GAK: variants seen among roughly 807,000 people sequenced by gnomAD.
GAK encodes the protein cyclin-G-associated kinase.
A neutral mutation model predicts 143.9 loss-of-function variants in GAK; 79 were observed. That is an observed-to-expected ratio of 0.55 (90% CI 0.46 to 0.66). The LOEUF is 0.66. Ranked by LOEUF, GAK falls within the 30% of genes least tolerant of loss-of-function variation. GAK has a pLI of 0.00. For synonymous variants in GAK, 881 were observed against 765.5 expected (o/e 1.15, Z -2.49); for missense variants, 1,693 against 1,779.7 (o/e 0.95, Z 0.88).
chr4:862,215 G>A (rs1750413054), intron 23 of GAK, among the ~76,000 whole-genome samples: 1 of 151,946 alleles, frequency 6.6e-6, no homozygotes, highest in Non-Finnish European at 1.5e-5. Context: ...AGATCCGGCT[G>A]AGATCACTGA....
intron 10 of GAK, 71 bp downstream of exon 10, chr4:890,461 C>T: frequency 8.4e-7 from 1 of 1,194,300 alleles, no homozygotes; most frequent in South Asian, 1.4e-5. Flanking sequence ...GACTCCATCC[C>T]AATGTGCTGC....
At chr4:891,023 T>A (rs1717538713) in intron 9 of GAK, among the ~76,000 whole-genome samples, 1 of 151,464 alleles carries the variant, frequency 6.6e-6, no homozygotes, top group African/African-American at 2.4e-5. Flanking sequence ...TGTGGCACGA[T>A]CTCAGCTCAC....
intron 15 of GAK, among the ~76,000 whole-genome samples, chr4:880,450 C>T (rs1249463438): frequency 6.6e-6 from 1 of 152,236 alleles, no homozygotes; most frequent in Non-Finnish European, 1.5e-5. Context: ...GAAAGGGTCT[C>T]GGCCAGGTCT....
At chr4:866,226 G>T in intron 22 of GAK, 138 bp downstream of exon 22, 2 of 811,546 alleles carry the variant, frequency 2.5e-6, no homozygotes, top group Non-Finnish European at 3.9e-6. Context: ...AGGATGCTTG[G>T]GCCGCAAGGA....
At chr4:916,055 C>T (rs1395745071) in intron 1 of GAK, among the ~76,000 whole-genome samples, 6 of 152,180 alleles carry the variant, frequency 3.9e-5, no homozygotes, top group African/African-American at 1.2e-4. Flanking sequence ...TGTGCTTCCA[C>T]ATGCCCAAGG....
At chr4:849,830 C>CGGG in intron 27 of GAK, 56 bp from the exon 28 acceptor site, 2 of 1,172,348 alleles carry the variant, frequency 1.7e-6, no homozygotes, top group African/African-American at 1.8e-5. Flanking sequence ...GCGGGCGGGG[C>CGGG]AGGACCCCCC....
At chr4:879,156 G>T (rs190796496) in intron 15 of GAK, among the ~76,000 whole-genome samples, 1 of 152,144 alleles carries the variant, frequency 6.6e-6, no homozygotes, top group African/African-American at 2.4e-5. Flanking sequence ...TTCTAAGCCC[G>T]AGTGTGTTGT....
intron 5 of GAK, among the ~76,000 whole-genome samples, chr4:898,940 C>T (rs1462717039): frequency 6.6e-6 from 1 of 152,170 alleles, no homozygotes; most frequent in Admixed American, 6.5e-5. Context: ...CACCTTCTGG[C>T]GCAGCTCTGA....
chr4:877,354 A>G (rs1714154418), intron 16 of GAK, 147 bp from the exon 17 acceptor site: 7 of 675,674 alleles, frequency 1.0e-5, no homozygotes, highest in Admixed American at 5.5e-5. Flanking sequence ...CCTCACAAGA[A>G]TTCTAAAGTC....
At chr4:851,296 C>T (rs1224851934) in intron 25 of GAK, 2 of 472,788 alleles carry the variant, frequency 4.2e-6, no homozygotes, top group Non-Finnish European at 7.7e-6. Context: ...GGAGGTATCA[C>T]TGTTGCCCAA....
chr4:884,544 T>C (rs1254090199), intron 11 of GAK, among the ~76,000 whole-genome samples: 1 of 152,214 alleles, frequency 6.6e-6, no homozygotes, highest in Non-Finnish European at 1.5e-5. Flanking sequence ...CAGACGCCGC[T>C]GGAGGCAGAG....
chr4:864,853 G>A (rs570938848), intron 23 of GAK, among the ~76,000 whole-genome samples: 37 of 152,236 alleles, frequency 2.4e-4, no homozygotes, highest in Non-Finnish European at 4.0e-4. Context: ...GTGGGAGGAG[G>A]ACCCTTCGGG....
Position 889,929 on chromosome 4 carries a change from G to A in GAK, c.1081+603C>T, listed in dbSNP as rs530169369. On this transcript the variant is annotated intron_variant, in intron 10 of 27. Coordinates refer to ENST00000314167, the MANE Select transcript of GAK (RefSeq NM_005255.4). Reference sequence around the variant, plus strand: ...CATCACAGGTGCCCACTCCTCATGCGGCAGAAGGGGCCACCTCACACTAGC... The same window carrying A: ...CATCACAGGTGCCCACTCCTCATGCAGCAGAAGGGGCCACCTCACACTAGC... Among the ~76,000 whole-genome samples the A allele has an allele frequency of 3.9e-5, 6 of 152,142 alleles. No individual in the cohort carries two copies. In the South Asian group the frequency reaches 6.2e-4, roughly 16 times the overall value.
At chr4:857,402 C>T (rs925739031) in intron 24 of GAK, among the ~76,000 whole-genome samples, 3 of 152,224 alleles carry the variant, frequency 2.0e-5, no homozygotes, top group African/African-American at 7.2e-5. Context: ...TCTCTTTCAA[C>T]ATTCGGTGAA....
At chr4:913,216 C>T (rs925581832) in intron 2 of GAK, among the ~76,000 whole-genome samples, 1 of 152,258 alleles carries the variant, frequency 6.6e-6, no homozygotes, top group African/African-American at 2.4e-5. Flanking sequence ...GACAAAACTG[C>T]ACAGTACAGA....
intron 24 of GAK, 87 bp downstream of exon 24, chr4:859,518 CA>C (rs1198001016): frequency 6.3e-7 from 1 of 1,596,040 alleles, no homozygotes; most frequent in Non-Finnish European, 8.6e-7. Flanking sequence ...GCAAAGACTT[CA>C]CTTTGGGCAG....
At chr4:884,528 C>G (rs1028164776) in intron 11 of GAK, 2 of 165,780 alleles carry the variant, frequency 1.2e-5, no homozygotes, top group Non-Finnish European at 2.6e-5. Context: ...AGCAGTGCGA[C>G]TCCAGCAGAC....
Position 882,680 on chromosome 4 carries a change from A to G in GAK, c.1527+17T>C. The G allele has an allele frequency of 6.2e-7, 1 of 1,609,542 alleles. No individual in the cohort carries two copies. The highest frequency in any genetic ancestry group is 2.2e-5 in the East Asian group (1 of 44,868). On this transcript the variant is annotated intron_variant, in intron 14 of 27. Coordinates refer to ENST00000314167, the MANE Select transcript of GAK (RefSeq NM_005255.4). ...CTTTGACAGAAGACGGCGCCAGCCCACGGCCCTCGAGCTCACCATGCAGTG... is the reference window on the plus strand; with the variant it reads ...CTTTGACAGAAGACGGCGCCAGCCCGCGGCCCTCGAGCTCACCATGCAGTG...
intron 18 of GAK, among the ~76,000 whole-genome samples, chr4:874,136 C>T (rs558078449): frequency 4.3e-4 from 64 of 150,412 alleles, no homozygotes; most frequent in African/African-American, 1.5e-3. Context: ...TGTGTGTGTG[C>T]GCGCTGGTGC....
Sources: gnomAD v4.1 joint callset for allele counts (sites outside exome capture counted in the v4.1 genomes callset) on GRCh38, gnomAD v4.1.1 for gene constraint, MANE v1.5 for transcripts, NCBI Gene and HGNC (gene_info 2026-07-23, HGNC 2026-07-21) for gene names.